RTTN: variants seen among roughly 807,000 people sequenced by gnomAD.
RTTN encodes the protein rotatin.
In RTTN, 182 loss-of-function variants were observed where a neutral mutation model predicts 269.2. The observed-to-expected ratio is 0.68, with a 90% CI of 0.60 to 0.76. The LOEUF (loss-of-function observed/expected upper bound fraction) is 0.76, where lower values mean the gene tolerates loss of function less well. Among genes scored for constraint, RTTN ranks in the 30% least tolerant of loss-of-function variants. RTTN has a pLI of 0.00. For missense variants in RTTN, 2,545 were observed against 2,608.6 expected (o/e 0.98, Z 0.53); for synonymous variants, 1,006 against 963.5 (o/e 1.04, Z -0.82).
intron 32 of RTTN, among the ~76,000 whole-genome samples, chr18:70,076,405 C>T (rs1041197040): frequency 6.6e-6 from 1 of 151,872 alleles, no homozygotes; most frequent in African/African-American, 2.4e-5. Flanking sequence ...GACCTTTAAC[C>T]ATAAGATTTG....
At chr18:70,098,413 CAGG>C (rs1345461819) in intron 28 of RTTN, among the ~76,000 whole-genome samples, 1 of 152,046 alleles carries the variant, frequency 6.6e-6, no homozygotes, top group African/African-American at 2.4e-5. Flanking sequence ...TCACTAGATC[CAGG>C]AGTTGTTTTT....
At chr18:70,084,975 G>A (rs948363499) in intron 32 of RTTN, among the ~76,000 whole-genome samples, 1 of 152,122 alleles carries the variant, frequency 6.6e-6, no homozygotes, top group African/African-American at 2.4e-5. Flanking sequence ...ATACGGTTCT[G>A]TATTACAACA....
At chr18:70,045,290 T>C (rs1341130435) in intron 40 of RTTN, among the ~76,000 whole-genome samples, 1 of 152,190 alleles carries the variant, frequency 6.6e-6, no homozygotes, top group Non-Finnish European at 1.5e-5. Context: ...TTAGTAATAA[T>C]GTAATAAAAG....
rs554090488 is a variant in RTTN at position 70,157,561 on chromosome 18, T to C, written c.1930-6828A>G. On this transcript the variant is annotated intron_variant, in intron 14 of 48. Transcript: ENST00000640769. ...ATTCTGGCAATTCTAAAAGCCAGAA[T>C]GTCTTCTTATTTTCAAATAACCACA... Among the ~76,000 whole-genome samples, 9 of 152,306 alleles carry C rather than the reference T, an allele frequency of 5.9e-5. No individual in the cohort carries two copies. The South Asian group carries it at 1.9e-3, about 32-fold the overall frequency.
intron 17 of RTTN, among the ~76,000 whole-genome samples, chr18:70,148,105 T>C (rs185724143): frequency 7.9e-5 from 12 of 152,296 alleles, no homozygotes; most frequent in Non-Finnish European, 1.5e-5. Flanking sequence ...TCCAATGATC[T>C]GTCTATAAAT....
At chr18:70,141,129 T>C (rs1038024572) in intron 19 of RTTN, among the ~76,000 whole-genome samples, 8 of 152,210 alleles carry the variant, frequency 5.3e-5, no homozygotes, top group Non-Finnish European at 1.0e-4. Flanking sequence ...TTTTCTAGTC[T>C]TCTTTTCTGT....
intron 10 of RTTN, among the ~76,000 whole-genome samples, chr18:70,186,871 G>A (rs1053579101): frequency 3.9e-5 from 6 of 152,134 alleles, no homozygotes; most frequent in African/African-American, 1.2e-4. Flanking sequence ...ATTACTCGAC[G>A]GCAGAGAGTG....
rs1410429263 is a variant in RTTN at position 70,087,864 on chromosome 18, G to C, written c.4302+125C>G. 13 of 915,362 alleles carry C rather than the reference G, an allele frequency of 1.4e-5. No homozygotes were observed. The Admixed American group carries it at 2.1e-4, about 15-fold the overall frequency. The allele number at this position is 915,362 out of a possible 1,614,324, so 56.7% of individuals were successfully genotyped here. A position where few individuals can be genotyped will look rare whatever the true frequency, so the allele number is the denominator to read the frequency against. On this transcript the variant is annotated intron_variant, in intron 31 of 48. Coordinates refer to ENST00000640769, the MANE Select transcript of RTTN (RefSeq NM_173630.4). ...AATCCTCTACTGTCATTTTGTTTGG[G>C]TGTTCACAGACAGAAGAGATCATGG...
At chr18:70,063,613 A>G (rs17082043) in intron 35 of RTTN, among the ~76,000 whole-genome samples, 2,198 of 151,938 alleles carry the variant, frequency 0.014, 57 homozygotes, top group African/African-American at 0.051. Context: ...AAAAAATTAA[A>G]TTGAGATAAT....
At position 70,201,781 on chromosome 18, in the gene RTTN, T is replaced by C. The variant is rs2061959550; in HGVS notation, c.487+113A>G. The C allele has an allele frequency of 5.9e-5, 38 of 638,994 alleles. No individual in the cohort carries two copies. In the South Asian group the frequency reaches 7.2e-4, roughly 12 times the overall value. 39.6% of individuals were successfully genotyped at this position (638,994 alleles called of 1,614,324 possible). ...AAACAACTAAAACATTTAATGATAG[T>C]TTGGTGCTGAAACATTCAAGTTTGG... On this transcript the variant is annotated intron_variant, in intron 4 of 48. Transcript: ENST00000640769.
chr18:70,029,117 T>A (rs1391435305), intron 42 of RTTN, among the ~76,000 whole-genome samples: 1 of 149,356 alleles, frequency 6.7e-6, no homozygotes, highest in African/African-American at 2.5e-5. Context: ...AGGTGTTGGC[T>A]GACTTTCTCA....
At chr18:70,099,401 A>G (rs2059094739) in intron 28 of RTTN, among the ~76,000 whole-genome samples, 1 of 152,200 alleles carries the variant, frequency 6.6e-6, no homozygotes, top group Non-Finnish European at 1.5e-5. Flanking sequence ...GTGTCTGCTC[A>G]TATCCTTCGC....
At chr18:70,057,228 C>A (rs1028601635) in intron 37 of RTTN, among the ~76,000 whole-genome samples, 1 of 152,208 alleles carries the variant, frequency 6.6e-6, no homozygotes, top group African/African-American at 2.4e-5. Flanking sequence ...GCAACAGCTA[C>A]ATGAATAATT....
chr18:70,017,789 CCTTT>C (rs997608477), intron 45 of RTTN, 115 bp from the exon 46 acceptor site: 3 of 784,490 alleles, frequency 3.8e-6, no homozygotes, highest in South Asian at 1.9e-5. Context: ...ATTAATTTCT[CCTTT>C]CTAATAGCTT....
At chr18:70,088,730 T>C (rs2058765715) in intron 30 of RTTN, among the ~76,000 whole-genome samples, 1 of 152,190 alleles carries the variant, frequency 6.6e-6, no homozygotes, top group South Asian at 2.1e-4. Context: ...TCCAAAAATA[T>C]AGTTTCAATG....
intron 2 of RTTN, 85 bp downstream of exon 2, chr18:70,205,043 T>C: frequency 7.2e-7 from 1 of 1,387,222 alleles, no homozygotes. Flanking sequence ...ACCCCAATTA[T>C]TTAACTTTCA....
chr18:70,184,525 C>A (rs1183314483), intron 10 of RTTN, among the ~76,000 whole-genome samples: 1 of 151,762 alleles, frequency 6.6e-6, no homozygotes, highest in East Asian at 1.9e-4. Flanking sequence ...GCACTCCAGT[C>A]TGGGTGACAG....
intron 10 of RTTN, among the ~76,000 whole-genome samples, chr18:70,184,049 A>T (rs182365096): frequency 4.6e-5 from 7 of 152,154 alleles, no homozygotes; most frequent in African/African-American, 1.7e-4. Context: ...GAACCCTCCC[A>T]AAGTGCTTCT....
chr18:70,042,832 A>G (rs988384712), intron 40 of RTTN, among the ~76,000 whole-genome samples: 30 of 152,248 alleles, frequency 2.0e-4, no homozygotes, highest in African/African-American at 7.0e-4. Context: ...TTAGATCTCA[A>G]AAGACCTCCT....
Sources: gnomAD v4.1 joint callset for allele counts (sites outside exome capture counted in the v4.1 genomes callset) on GRCh38, gnomAD v4.1.1 for gene constraint, MANE v1.5 for transcripts, NCBI Gene and HGNC (gene_info 2026-07-23, HGNC 2026-07-21) for gene names.